Variants in TBCA observed in about 807,000 individuals in gnomAD.
The protein encoded by TBCA is tubulin folding cofactor A.
In TBCA, 6 loss-of-function variants were observed where a neutral mutation model predicts 15.8. That is an observed-to-expected ratio of 0.38 (90% CI 0.21 to 0.75). The LOEUF (loss-of-function observed/expected upper bound fraction) is 0.75, where lower values mean the gene tolerates loss of function less well. TBCA is among the 30% of genes least tolerant of loss of function. The pLI is 0.46. For synonymous variants in TBCA, 32 were observed against 42.3 expected (o/e 0.76, Z 0.94); for missense variants, 90 against 131.2 (o/e 0.69, Z 1.53).
At chr5:77,740,611 T>G (rs1345383873) in intron 1 of TBCA, among the ~76,000 whole-genome samples, 1 of 152,164 alleles carries the variant, frequency 6.6e-6, no homozygotes, top group Non-Finnish European at 1.5e-5. Flanking sequence ...TTTATCATGT[T>G]GTGTTTAAAG....
At chr5:77,709,902 C>T (rs1163974440) in intron 1 of TBCA, among the ~76,000 whole-genome samples, 1 of 152,090 alleles carries the variant, frequency 6.6e-6, no homozygotes, top group African/African-American at 2.4e-5. Context: ...AGAAGTCTGA[C>T]ATAAAAGGCT....
intron 1 of TBCA, among the ~76,000 whole-genome samples, chr5:77,748,923 A>T (rs1204882644): frequency 6.6e-6 from 1 of 152,228 alleles, no homozygotes; most frequent in Non-Finnish European, 1.5e-5. Context: ...TGTGTTTACC[A>T]ACACCTTAAG....
At chr5:77,700,047 A>AAAG (rs1745975648) in intron 2 of TBCA, among the ~76,000 whole-genome samples, 1 of 149,862 alleles carries the variant, frequency 6.7e-6, no homozygotes, top group Admixed American at 6.6e-5. Flanking sequence ...AAAAAAAAAA[A>AAAG]AAAGAAAATT....
chr5:77,736,864 T>C (rs1746920776), intron 1 of TBCA, among the ~76,000 whole-genome samples: 1 of 152,190 alleles, frequency 6.6e-6, no homozygotes, highest in South Asian at 2.1e-4. Flanking sequence ...CTTGCACAAA[T>C]AGTAACTCAA....
intron 1 of TBCA, among the ~76,000 whole-genome samples, chr5:77,717,799 T>C (rs1404201544): frequency 7.1e-6 from 1 of 140,044 alleles, no homozygotes; most frequent in Admixed American, 7.6e-5. Flanking sequence ...GCCATTACAC[T>C]CCAGCCTGGC....
intron 1 of TBCA, among the ~76,000 whole-genome samples, chr5:77,754,122 T>C (rs920778011): frequency 6.6e-6 from 1 of 152,202 alleles, no homozygotes; most frequent in Non-Finnish European, 1.5e-5. Flanking sequence ...ATTCACAGCA[T>C]GTCTGGACTC....
At chr5:77,776,161 A>C in intron 1 of TBCA, 44 bp downstream of exon 1, 1 of 1,549,036 alleles carries the variant, frequency 6.5e-7, no homozygotes, top group African/African-American at 1.4e-5. Flanking sequence ...GGCCGCCATG[A>C]GGTGACGAAG....
At chr5:77,754,382 AT>A (rs1462902142) in intron 1 of TBCA, among the ~76,000 whole-genome samples, 7 of 152,294 alleles carry the variant, frequency 4.6e-5, no homozygotes, top group African/African-American at 1.7e-4. Context: ...ATAAGAATAT[AT>A]TTTTTAGAAT....
At chr5:77,769,631 C>T (rs1310795055) in intron 1 of TBCA, among the ~76,000 whole-genome samples, 3 of 151,368 alleles carry the variant, frequency 2.0e-5, no homozygotes, top group Non-Finnish European at 4.4e-5. Context: ...AAACAAACTT[C>T]GGAAGATGCC....
chr5:77,754,608 G>A (rs1046500259), intron 1 of TBCA, among the ~76,000 whole-genome samples: 4 of 152,016 alleles, frequency 2.6e-5, no homozygotes, highest in Non-Finnish European at 5.9e-5. Flanking sequence ...GTGAATTTTG[G>A]GTGATTACCT....
chr5:77,697,449 G>C (rs1362473576), intron 2 of TBCA, among the ~76,000 whole-genome samples: 1 of 152,010 alleles, frequency 6.6e-6, no homozygotes, highest in Non-Finnish European at 1.5e-5. Flanking sequence ...TGACTATAAT[G>C]AAGTAAAATT....
intron 3 of TBCA, chr5:77,692,346 C>T (rs927658640): frequency 1.0e-6 from 1 of 985,210 alleles, no homozygotes; most frequent in African/African-American, 1.7e-5. Flanking sequence ...ACCTTAAACA[C>T]ATCTTTGTTC....
At chr5:77,747,144 A>G (rs1385632402) in intron 1 of TBCA, among the ~76,000 whole-genome samples, 1 of 152,090 alleles carries the variant, frequency 6.6e-6, no homozygotes, top group African/African-American at 2.4e-5. Flanking sequence ...ACATACACTT[A>G]CCAGCCAAAT....
chr5:77,692,002 T>C (rs1269955460), intron 3 of TBCA: 1 of 985,486 alleles, frequency 1.0e-6, no homozygotes, highest in Non-Finnish European at 1.2e-6. Context: ...GGGTATTACA[T>C]ACCCTACACT....
chr5:77,725,021 G>C (rs1355324088), intron 1 of TBCA, among the ~76,000 whole-genome samples: 1 of 151,994 alleles, frequency 6.6e-6, no homozygotes, highest in Non-Finnish European at 1.5e-5. Flanking sequence ...TCTTCCATAA[G>C]CTACCTGCCA....
At chr5:77,737,463 G>A (rs1053651097) in intron 1 of TBCA, among the ~76,000 whole-genome samples, 5 of 152,048 alleles carry the variant, frequency 3.3e-5, no homozygotes, top group African/African-American at 7.2e-5. Flanking sequence ...GTTACTTATC[G>A]ACACTCTAAG....
At chr5:77,770,532 C>A (rs1220262378) in intron 1 of TBCA, among the ~76,000 whole-genome samples, 1 of 151,994 alleles carries the variant, frequency 6.6e-6, no homozygotes, top group African/African-American at 2.4e-5. Context: ...CCCTCAGTCT[C>A]AGGCAAACTG....
At chr5:77,696,279 A>C (rs1056548818) in intron 2 of TBCA, among the ~76,000 whole-genome samples, 9 of 152,198 alleles carry the variant, frequency 5.9e-5, no homozygotes, top group Admixed American at 1.3e-4. Flanking sequence ...TGAGCTCTAG[A>C]GTAATCCAGA....
At chr5:77,736,335 C>CAAA (rs34100013) in intron 1 of TBCA, among the ~76,000 whole-genome samples, 24 of 90,274 alleles carry the variant, frequency 2.7e-4, no homozygotes, top group African/African-American at 9.5e-4. Context: ...GACTCCGTCT[C>CAAA]AAAAAAAAAA....
Sources: allele counts gnomAD v4.1 joint callset (sites outside exome capture counted in the v4.1 genomes callset), GRCh38; gene constraint gnomAD v4.1.1; transcripts MANE v1.5; gene names NCBI Gene and HGNC (gene_info 2026-07-23, HGNC 2026-07-21).